Variants in ADAMTS6 observed in about 807,000 individuals in gnomAD.
ADAMTS6 encodes the protein ADAM metallopeptidase with thrombospondin type 1 motif 6, also known as A disintegrin and metalloproteinase with thrombospondin motifs 6.
A neutral mutation model predicts 144.3 loss-of-function variants in ADAMTS6; 23 were observed. The observed-to-expected ratio is 0.16, with a 90% CI of 0.11 to 0.23. ADAMTS6 has a LOEUF of 0.23. Among genes scored for constraint, ADAMTS6 ranks in the 10% least tolerant of loss-of-function variants. ADAMTS6 has a pLI of 1.00. For synonymous variants in ADAMTS6, 444 were observed against 457.5 expected (o/e 0.97, Z 0.38); for missense variants, 999 against 1,379.6 (o/e 0.72, Z 4.37).
intron 7 of ADAMTS6, among the ~76,000 whole-genome samples, chr5:65,398,834 AAGAAAG>A (rs1753653746): frequency 1.4e-5 from 2 of 141,374 alleles, no homozygotes; most frequent in African/African-American, 2.8e-5. Context: ...GAAAGAAAGA[AAGAAAG>A]AAAGAAAGAA....
At chr5:65,330,736 C>T (rs1367350111) in intron 8 of ADAMTS6, among the ~76,000 whole-genome samples, 2 of 151,990 alleles carry the variant, frequency 1.3e-5, no homozygotes, top group African/African-American at 4.8e-5. Flanking sequence ...AGATCGTTTG[C>T]TTTTCCTACT....
chr5:65,457,870 G>A (rs1328543516), intron 4 of ADAMTS6, among the ~76,000 whole-genome samples: 3 of 150,902 alleles, frequency 2.0e-5, no homozygotes, highest in African/African-American at 7.3e-5. Flanking sequence ...GGGACTACAG[G>A]CGCGTGCCAC....
At chr5:65,308,466 G>T (rs1179448218) in intron 9 of ADAMTS6, among the ~76,000 whole-genome samples, 1 of 151,914 alleles carries the variant, frequency 6.6e-6, no homozygotes. Context: ...CTGGAAACTG[G>T]CTGGTAATCA....
chr5:65,471,996 C>A (rs1345018479), intron 2 of ADAMTS6, among the ~76,000 whole-genome samples: 1 of 152,056 alleles, frequency 6.6e-6, no homozygotes, highest in Non-Finnish European at 1.5e-5. Flanking sequence ...GGGAATTAAA[C>A]CAAATTTCCA....
intron 9 of ADAMTS6, 135 bp from the exon 10 acceptor site, chr5:65,300,266 A>G (rs1743227391): frequency 1.4e-6 from 1 of 708,502 alleles, no homozygotes; most frequent in Non-Finnish European, 2.3e-6. Flanking sequence ...TCCTCTAAAG[A>G]AATTTAGGAT....
chr5:65,201,491 CAT>C (rs1238385882), intron 20 of ADAMTS6, among the ~76,000 whole-genome samples: 4 of 152,098 alleles, frequency 2.6e-5, no homozygotes, highest in African/African-American at 7.2e-5. Flanking sequence ...GAAAGGGTGA[CAT>C]GTGTTAAACC....
chr5:65,229,920 T>C (rs1241482532), intron 15 of ADAMTS6, among the ~76,000 whole-genome samples: 2 of 152,116 alleles, frequency 1.3e-5, no homozygotes, highest in Non-Finnish European at 2.9e-5. Context: ...CAAAGATCTC[T>C]AATAAGGCTG....
rs1037004845 is a variant in ADAMTS6 at position 65,232,439 on chromosome 5, A to G, written c.1934-6220T>C. 2.0e-5 allele frequency among the ~76,000 whole-genome samples: 3 copies of G among 152,104 alleles called. No homozygotes were observed. In the South Asian group the frequency reaches 6.2e-4, roughly 31 times the overall value. On this transcript the variant is annotated intron_variant, in intron 15 of 24. Coordinates refer to ENST00000381055, the MANE Select transcript of ADAMTS6 (RefSeq NM_197941.4). ...ATTGAGTTGATTTTTTTTAAGATAA[A>G]CAAAATTGACATACCTTTAGCTATA...
intron 7 of ADAMTS6, among the ~76,000 whole-genome samples, chr5:65,437,090 A>G (rs1580706140): frequency 7.1e-6 from 1 of 141,292 alleles, no homozygotes; most frequent in Non-Finnish European, 1.6e-5. Flanking sequence ...TTGTGCAGGG[A>G]AACTCCCATT....
intron 4 of ADAMTS6, among the ~76,000 whole-genome samples, chr5:65,458,917 G>A (rs1490197490): frequency 1.3e-5 from 2 of 152,156 alleles, no homozygotes; most frequent in African/African-American, 4.8e-5. Context: ...TAACTAGTAT[G>A]TGCTAAGATG....
chr5:65,452,031 T>G, intron 6 of ADAMTS6, 102 bp downstream of exon 6: 2 of 964,620 alleles, frequency 2.1e-6, no homozygotes, highest in Non-Finnish European at 2.9e-6. Flanking sequence ...TAGAATTTCC[T>G]AATAGAAGCA....
chr5:65,344,513 T>C (rs1453323756), intron 7 of ADAMTS6, among the ~76,000 whole-genome samples: 3 of 151,888 alleles, frequency 2.0e-5, no homozygotes, highest in Non-Finnish European at 4.4e-5. Flanking sequence ...CTTTATCATA[T>C]TTTACCGTAT....
rs1561502070 is a variant in ADAMTS6 at position 65,398,848 on chromosome 5, GAAAAAGAAAGAGAA to G, written c.1073+52613_1073+52626del. 6.4e-5 allele frequency among the ~76,000 whole-genome samples: 9 copies of G among 141,706 alleles called. No individual in the cohort carries two copies. The East Asian group carries it at 6.7e-4, about 10-fold the overall frequency. 93.0% of individuals were successfully genotyped at this position (141,706 alleles called of 152,430 possible). On this transcript the variant is annotated intron_variant, in intron 7 of 24. Coordinates refer to ENST00000381055, the MANE Select transcript of ADAMTS6 (RefSeq NM_197941.4). ...AGAAAGAAAGAAAGAAAGAAAGAAA[GAAAAAGAAAGAGAA>G]AGAAAGAAAGAAAGAAAAAGAAGCA...
intron 20 of ADAMTS6, among the ~76,000 whole-genome samples, chr5:65,207,784 T>C (rs1756220741): frequency 6.6e-6 from 1 of 152,262 alleles, no homozygotes; most frequent in Non-Finnish European, 1.5e-5. Context: ...CATATGCCTC[T>C]TCTGTTCTGA....
At chr5:65,275,514 G>A (rs1254426776) in intron 11 of ADAMTS6, among the ~76,000 whole-genome samples, 3 of 151,506 alleles carry the variant, frequency 2.0e-5, no homozygotes, top group African/African-American at 4.8e-5. Flanking sequence ...AACATAAAAC[G>A]TTCTCATGTT....
At chr5:65,378,260 C>A (rs1751730604) in intron 7 of ADAMTS6, among the ~76,000 whole-genome samples, 1 of 152,080 alleles carries the variant, frequency 6.6e-6, no homozygotes, top group Non-Finnish European at 1.5e-5. Context: ...TTATTTTATT[C>A]TACAGATTTT....
chr5:65,302,669 A>C (rs1265083637), intron 9 of ADAMTS6, among the ~76,000 whole-genome samples: 1 of 152,118 alleles, frequency 6.6e-6, no homozygotes, highest in East Asian at 1.9e-4. Flanking sequence ...AAAATAATCA[A>C]CTATGGATTC....
intron 21 of ADAMTS6, among the ~76,000 whole-genome samples, chr5:65,189,268 C>T (rs1754853625): frequency 6.6e-6 from 1 of 152,134 alleles, no homozygotes; most frequent in South Asian, 2.1e-4. Context: ...AGGATTCACT[C>T]TTCTGGACAC....
intron 7 of ADAMTS6, among the ~76,000 whole-genome samples, chr5:65,375,770 C>G (rs1349202492): frequency 1.3e-5 from 2 of 152,082 alleles, no homozygotes; most frequent in Admixed American, 6.5e-5. Context: ...GATATATACC[C>G]AAAGGATTAT....
Sources: gnomAD v4.1 joint callset for allele counts (sites outside exome capture counted in the v4.1 genomes callset) on GRCh38, gnomAD v4.1.1 for gene constraint, MANE v1.5 for transcripts, NCBI Gene and HGNC (gene_info 2026-07-23, HGNC 2026-07-21) for gene names.